RBFOX1: variants seen among roughly 807,000 people sequenced by gnomAD.
The protein encoded by RBFOX1 is RNA binding protein fox-1 homolog 1.
In RBFOX1, 8 loss-of-function variants were observed where a neutral mutation model predicts 57.7. The observed-to-expected ratio is 0.14, with a 90% CI of 0.08 to 0.25. The LOEUF is 0.25. Among genes scored for constraint, RBFOX1 ranks in the 10% least tolerant of loss-of-function variants. RBFOX1 has a pLI of 1.00. For synonymous variants in RBFOX1, 326 were observed against 222.4 expected, an observed-to-expected ratio of 1.47 and a Z score of -4.15; for missense variants, 611 against 548.5, an observed-to-expected ratio of 1.11 and a Z score of -1.14.
intron 1 of RBFOX1, among the ~76,000 whole-genome samples, chr16:6,163,271 G>T (rs1321807356): frequency 6.6e-6 from 1 of 152,182 alleles, no homozygotes; most frequent in East Asian, 1.9e-4. Context: ...TACTTTTGCG[G>T]GGAGGTAAAG....
intron 4 of RBFOX1, among the ~76,000 whole-genome samples, chr16:5,923,823 G>A (rs1291184590): frequency 6.6e-6 from 1 of 151,916 alleles, no homozygotes. Flanking sequence ...TTACAGGTGT[G>A]AGCCACCGTA....
chr16:6,331,592 GTGTGTATATATATGTGTA>G (rs1379924397), intron 2 of RBFOX1, among the ~76,000 whole-genome samples: 6 of 109,240 alleles, frequency 5.5e-5, no homozygotes, highest in Non-Finnish European at 9.4e-5. Context: ...ATATATATGT[GTGTGTATATATATGTGTA>G]TATATATATA....
chr16:6,270,521 C>T (rs1240759124), intron 1 of RBFOX1, among the ~76,000 whole-genome samples: 1 of 149,292 alleles, frequency 6.7e-6, no homozygotes, highest in Non-Finnish European at 1.5e-5. Flanking sequence ...GATACAGTGT[C>T]AGTCCAACAA....
At chr16:5,993,742 A>G (rs181981875) in intron 4 of RBFOX1, among the ~76,000 whole-genome samples, 100 of 152,324 alleles carry the variant, frequency 6.6e-4, no homozygotes, top group African/African-American at 2.2e-3. Context: ...GGGATGATGT[A>G]TCGCTGCATT....
intron 1 of RBFOX1, among the ~76,000 whole-genome samples, chr16:5,452,481 T>G (rs1490090598): frequency 1.3e-5 from 2 of 152,022 alleles, no homozygotes; most frequent in African/African-American, 4.8e-5. Flanking sequence ...CTTAAACATT[T>G]CTTGAGACTG....
At chr16:6,534,476 AG>A (rs1156863993) in intron 2 of RBFOX1, among the ~76,000 whole-genome samples, 1 of 152,098 alleles carries the variant, frequency 6.6e-6, no homozygotes, top group Non-Finnish European at 1.5e-5. Flanking sequence ...ATTTACCTCT[AG>A]GCTGTCCACA....
chr16:7,475,883 G>A (rs922889727), intron 4 of RBFOX1, among the ~76,000 whole-genome samples: 1 of 152,214 alleles, frequency 6.6e-6, no homozygotes, highest in African/African-American at 2.4e-5. Flanking sequence ...CTATGTCCCA[G>A]GAAGTGGGGT....
At chr16:7,570,059 G>A (rs2092614647) in intron 5 of RBFOX1, among the ~76,000 whole-genome samples, 1 of 151,694 alleles carries the variant, frequency 6.6e-6, no homozygotes, top group Non-Finnish European at 1.5e-5. Context: ...AGATTTCAAA[G>A]ACATCCTCCA....
At chr16:5,361,513 C>G (rs917071214) in intron 1 of RBFOX1, among the ~76,000 whole-genome samples, 1 of 152,120 alleles carries the variant, frequency 6.6e-6, no homozygotes, top group African/African-American at 2.4e-5. Flanking sequence ...GCAAGATTAG[C>G]TGCATAATTT....
chr16:5,456,233 A>G (rs773876611), intron 1 of RBFOX1, among the ~76,000 whole-genome samples: 5 of 152,178 alleles, frequency 3.3e-5, no homozygotes, highest in African/African-American at 7.2e-5. Context: ...AACAGCTTGC[A>G]TAATATTCAA....
intron 2 of RBFOX1, among the ~76,000 whole-genome samples, chr16:6,582,174 A>C (rs1030236671): frequency 6.6e-6 from 1 of 152,178 alleles, no homozygotes; most frequent in Non-Finnish European, 1.5e-5. Context: ...ATAAAACACA[A>C]TTTTGTGATA....
chr16:5,520,132 G>C (rs1038764699), intron 2 of RBFOX1, among the ~76,000 whole-genome samples: 3 of 152,202 alleles, frequency 2.0e-5, no homozygotes, highest in African/African-American at 7.2e-5. Flanking sequence ...AATGGCTTGT[G>C]TGTAACCCCA....
intron 1 of RBFOX1, among the ~76,000 whole-genome samples, chr16:6,183,706 C>G (rs2097085055): frequency 6.6e-6 from 1 of 152,040 alleles, no homozygotes. Context: ...AGACACCTGG[C>G]TGCAGACTTC....
chr16:6,941,313 T>C (rs1296814471), intron 3 of RBFOX1, among the ~76,000 whole-genome samples: 1 of 90,038 alleles, frequency 1.1e-5, no homozygotes, highest in African/African-American at 4.2e-5. Context: ...CTTCCTTCCT[T>C]CCTTCCTTCC....
chr16:6,792,345 A>C (rs1302902142), intron 3 of RBFOX1, among the ~76,000 whole-genome samples: 2 of 152,214 alleles, frequency 1.3e-5, no homozygotes, highest in African/African-American at 4.8e-5. Context: ...AAGTCCTTTC[A>C]GCATTTTAGG....
At chr16:6,579,037 T>C (rs111871386) in intron 2 of RBFOX1, among the ~76,000 whole-genome samples, 7 of 152,234 alleles carry the variant, frequency 4.6e-5, no homozygotes, top group African/African-American at 1.2e-4. Flanking sequence ...CCAAAACCTA[T>C]GAAAATATAA....
chr16:6,191,498 A>G (rs2097141599), intron 1 of RBFOX1, among the ~76,000 whole-genome samples: 1 of 152,130 alleles, frequency 6.6e-6, no homozygotes, highest in African/African-American at 2.4e-5. Flanking sequence ...ACCATGCCCC[A>G]CTTTACAACT....
chr16:7,238,390 T>A (rs2093883919), intron 4 of RBFOX1, among the ~76,000 whole-genome samples: 1 of 152,194 alleles, frequency 6.6e-6, no homozygotes, highest in Admixed American at 6.5e-5. Context: ...TTTCTGCACA[T>A]CTGCCAGCTG....
intron 3 of RBFOX1, among the ~76,000 whole-genome samples, chr16:5,843,460 A>G (rs763534640): frequency 6.6e-6 from 1 of 152,212 alleles, no homozygotes; most frequent in Non-Finnish European, 1.5e-5. Context: ...AACAAAGGAC[A>G]TGATCTCGTT....
Sources: gnomAD v4.1 joint callset for allele counts (sites outside exome capture counted in the v4.1 genomes callset) on GRCh38, gnomAD v4.1.1 for gene constraint, MANE v1.5 for transcripts, NCBI Gene and HGNC (gene_info 2026-07-23, HGNC 2026-07-21) for gene names.